Variants in MBNL2 observed in about 807,000 individuals in gnomAD.
MBNL2 encodes muscleblind-like protein 2.
In MBNL2, 17 loss-of-function variants were observed where a neutral mutation model predicts 41.9. The ratio of observed to expected loss-of-function variants is 0.41; its 90% CI spans 0.28 to 0.61. MBNL2 has a LOEUF of 0.61. MBNL2 is among the 20% of genes least tolerant of loss of function. The pLI is 0.35. For synonymous variants in MBNL2, 195 were observed against 182.9 expected, an observed-to-expected ratio of 1.07 and a Z score of -0.53; for missense variants, 336 against 505.6, an observed-to-expected ratio of 0.66 and a Z score of 3.22.
At chr13:97,298,574 G>A (rs1383526532) in intron 2 of MBNL2, among the ~76,000 whole-genome samples, 1 of 152,198 alleles carries the variant, frequency 6.6e-6, no homozygotes, top group Non-Finnish European at 1.5e-5. Flanking sequence ...GTTAACCCAT[G>A]CTGTTTTTCC....
At chr13:97,367,889 A>C (rs1283681867) in intron 8 of MBNL2, among the ~76,000 whole-genome samples, 2 of 152,194 alleles carry the variant, frequency 1.3e-5, no homozygotes, top group East Asian at 3.9e-4. Context: ...GGCAAGGATT[A>C]GTTCCTTAGC....
the MBNL2 span, among the ~76,000 whole-genome samples, chr13:97,179,008 T>TA: frequency 6.6e-6 from 1 of 152,244 alleles, no homozygotes; most frequent in South Asian, 2.1e-4. Context: ...TAGTAGTCTT[T>TA]GAACCACTTG....
chr13:97,250,603 C>T (rs886381615), intron 1 of MBNL2, among the ~76,000 whole-genome samples: 1 of 152,084 alleles, frequency 6.6e-6, no homozygotes, highest in Non-Finnish European at 1.5e-5. Flanking sequence ...CAGAATCTTT[C>T]CATCAGTCAT....
intron 1 of MBNL2, among the ~76,000 whole-genome samples, chr13:97,239,870 A>C (rs1171626195): frequency 6.6e-6 from 1 of 152,224 alleles, no homozygotes; most frequent in East Asian, 1.9e-4. Flanking sequence ...AACTTAATAA[A>C]AGACAAGCAC....
rs1419057838 is a variant in MBNL2, at chr13:97,392,818, AAATG to A, written c.*1373_*1376del. On this transcript the variant is annotated 3_prime_UTR_variant, in exon 9 of 9. Transcript: ENST00000679496. Reference sequence around the variant, plus strand: ...GTTTAAAAAACAAAACAGCTGTTATAAATGAATATTATGTGTAATTGTTTCAAAC... The same window carrying A: ...GTTTAAAAAACAAAACAGCTGTTATAAATATTATGTGTAATTGTTTCAAAC... 6.6e-6 allele frequency: 1 copy of A among 152,486 alleles called. No homozygotes were observed. Among genetic ancestry groups the A allele is most frequent in the Non-Finnish European group, 1.5e-5 (1 of 67,932 alleles). 9.4% of individuals were successfully genotyped at this position (152,486 alleles called of 1,614,324 possible).
chr13:97,321,699 A>G (rs2059517207), intron 2 of MBNL2, among the ~76,000 whole-genome samples: 1 of 152,208 alleles, frequency 6.6e-6, no homozygotes, highest in African/African-American at 2.4e-5. Context: ...AATATTGTGA[A>G]GGTCTAATAA....
chr13:97,145,476 G>A, the MBNL2 span, among the ~76,000 whole-genome samples: 1 of 152,194 alleles, frequency 6.6e-6, no homozygotes, highest in Admixed American at 6.5e-5. Context: ...AGTGTCCAAG[G>A]AAAAAGAACC....
At chr13:97,262,188 G>A (rs1326514638) in intron 1 of MBNL2, among the ~76,000 whole-genome samples, 3 of 152,136 alleles carry the variant, frequency 2.0e-5, no homozygotes, top group South Asian at 2.1e-4. Flanking sequence ...CTGCCTTGCC[G>A]CCACACTGTT....
At chr13:97,148,025 C>T in the MBNL2 span, among the ~76,000 whole-genome samples, 1 of 152,146 alleles carries the variant, frequency 6.6e-6, no homozygotes, top group African/African-American at 2.4e-5. Context: ...TGCCAATGTA[C>T]AGGTTTGCCC....
At chr13:97,326,783 G>A (rs1202914500) in intron 2 of MBNL2, among the ~76,000 whole-genome samples, 2 of 152,222 alleles carry the variant, frequency 1.3e-5, no homozygotes, top group Non-Finnish European at 2.9e-5. Flanking sequence ...TTGCCTTAGA[G>A]TAGAGCTATT....
chr13:97,178,121 T>A, the MBNL2 span, among the ~76,000 whole-genome samples: 3 of 152,164 alleles, frequency 2.0e-5, no homozygotes, highest in Non-Finnish European at 2.9e-5. Flanking sequence ...TCAATGGAAG[T>A]AAATCCACAG....
chr13:97,390,870 A>T (rs1029775388), intron 8 of MBNL2, among the ~76,000 whole-genome samples: 1 of 152,188 alleles, frequency 6.6e-6, no homozygotes, highest in Non-Finnish European at 1.5e-5. Context: ...GATAAATAAT[A>T]TCTGATTATT....
chr13:97,363,553 G>A (rs2063602049), intron 7 of MBNL2, among the ~76,000 whole-genome samples: 1 of 151,738 alleles, frequency 6.6e-6, no homozygotes, highest in African/African-American at 2.4e-5. Flanking sequence ...GTGAGATGAG[G>A]ACAGGAGAGT....
chr13:97,368,412 T>TTAAAATAAAATAAAATAAAA (rs113780491), intron 8 of MBNL2, among the ~76,000 whole-genome samples: 3,763 of 146,096 alleles, frequency 0.026, 135 homozygotes, highest in African/African-American at 0.077. Flanking sequence ...ACACCCTGTC[T>TTAAAATAAAATAAAATAAAA]TAAAATAAAA....
intron 2 of MBNL2, among the ~76,000 whole-genome samples, chr13:97,282,050 C>A (rs1190531754): frequency 8.2e-5 from 12 of 146,202 alleles, no homozygotes; most frequent in African/African-American, 7.7e-5. Flanking sequence ...TGTTGAGGTC[C>A]AAAAAAAAAA....
At chr13:97,288,721 A>G (rs2055174777) in intron 2 of MBNL2, among the ~76,000 whole-genome samples, 1 of 152,210 alleles carries the variant, frequency 6.6e-6, no homozygotes, top group Admixed American at 6.5e-5. Flanking sequence ...CTCTGGCTCA[A>G]AGATTATAGT....
At chr13:97,386,442 G>A (rs775360370) in intron 8 of MBNL2, among the ~76,000 whole-genome samples, 4 of 152,226 alleles carry the variant, frequency 2.6e-5, no homozygotes, top group Non-Finnish European at 4.4e-5. Flanking sequence ...TCCGCAGGTA[G>A]CACTTGGCTG....
At chr13:97,256,301 T>C (rs2047508165) in intron 1 of MBNL2, among the ~76,000 whole-genome samples, 1 of 151,818 alleles carries the variant, frequency 6.6e-6, no homozygotes, top group Non-Finnish European at 1.5e-5. Context: ...ATTTATTGAC[T>C]TTAAGTAAAA....
intron 1 of MBNL2, among the ~76,000 whole-genome samples, chr13:97,258,705 A>G (rs1287203273): frequency 6.6e-6 from 1 of 152,170 alleles, no homozygotes; most frequent in Non-Finnish European, 1.5e-5. Context: ...GTTCTGTGCT[A>G]GAATAATTGG....
Sources: gnomAD v4.1 joint callset for allele counts (sites outside exome capture counted in the v4.1 genomes callset) on GRCh38, gnomAD v4.1.1 for gene constraint, MANE v1.5 for transcripts, NCBI Gene and HGNC (gene_info 2026-07-23, HGNC 2026-07-21) for gene names.